Variants in ZBTB17 observed in about 807,000 individuals in gnomAD.
The protein encoded by ZBTB17 is zinc finger and BTB domain containing 17.
Under a neutral mutation model 85.1 loss-of-function variants are expected in ZBTB17, and 24 were observed. The ratio of observed to expected loss-of-function variants is 0.28; its 90% CI spans 0.20 to 0.40. The LOEUF (loss-of-function observed/expected upper bound fraction) is 0.40, where lower values mean the gene tolerates loss of function less well. Among genes scored for constraint, ZBTB17 ranks in the 10% least tolerant of loss-of-function variants. The pLI, the probability that ZBTB17 is intolerant of heterozygous loss-of-function variation, is 1.00. For synonymous variants in ZBTB17, 464 were observed against 460.2 expected, an observed-to-expected ratio of 1.01 and a Z score of -0.11; for missense variants, 743 against 1,105.1, an observed-to-expected ratio of 0.67 and a Z score of 4.65.
chr1:15,969,205 G>A (rs896877609), intron 2 of ZBTB17, among the ~76,000 whole-genome samples: 3 of 152,182 alleles, frequency 2.0e-5, no homozygotes, highest in Non-Finnish European at 1.5e-5. Flanking sequence ...CTGATGATCT[G>A]TCACTGTCTT....
chr1:15,967,180 A>G (rs971244607), intron 2 of ZBTB17, among the ~76,000 whole-genome samples: 8 of 152,044 alleles, frequency 5.3e-5, no homozygotes, highest in African/African-American at 1.9e-4. Context: ...GTTCAAGACC[A>G]GCCTGGGCAA....
intron 2 of ZBTB17, chr1:15,969,618 A>G (rs984380483): frequency 7.1e-6 from 3 of 424,704 alleles, no homozygotes; most frequent in Admixed American, 5.1e-5. Context: ...TGGGGGGAGC[A>G]GGGCAGGGAG....
chr1:15,955,579 T>A (rs951626018), intron 2 of ZBTB17, among the ~76,000 whole-genome samples: 2 of 152,370 alleles, frequency 1.3e-5, no homozygotes, highest in Middle Eastern at 3.4e-3. Flanking sequence ...CAGATTTTTT[T>A]AAATCTTAAA....
At chr1:15,971,483 T>TAC (rs1412491150) in intron 2 of ZBTB17, among the ~76,000 whole-genome samples, 8,443 of 78,240 alleles carry the variant, frequency 0.11, 772 homozygotes, top group Non-Finnish European at 0.13. Context: ...ACTATATATA[T>TAC]ACACACACTA....
At chr1:15,970,359 G>A (rs1332807122) in intron 2 of ZBTB17, among the ~76,000 whole-genome samples, 1 of 90,152 alleles carries the variant, frequency 1.1e-5, no homozygotes, top group Non-Finnish European at 2.2e-5. Flanking sequence ...ATGCACTTTG[G>A]ACTTAAAGAA....
intron 2 of ZBTB17, among the ~76,000 whole-genome samples, chr1:15,968,249 G>C (rs2072515530): frequency 6.6e-6 from 1 of 152,120 alleles, no homozygotes; most frequent in Non-Finnish European, 1.5e-5. Flanking sequence ...TAAACAAGAA[G>C]CATGCTCAGC....
intron 5 of ZBTB17, 85 bp from the exon 6 acceptor site, chr1:15,945,925 G>A: frequency 6.4e-7 from 1 of 1,563,418 alleles, no homozygotes; most frequent in Non-Finnish European, 8.6e-7. Flanking sequence ...GCTGGTGGTG[G>A]CTGCGTGTGA....
At chr1:15,970,643 G>C (rs777511163) in intron 2 of ZBTB17, among the ~76,000 whole-genome samples, 13 of 152,114 alleles carry the variant, frequency 8.5e-5, no homozygotes, top group Non-Finnish European at 1.3e-4. Context: ...CCGCTTCCCA[G>C]GTTCAAGTGA....
Position 15,952,708 on chromosome 1 carries a change from G to A in ZBTB17, c.-2-4211C>T, listed in dbSNP as rs1443287622. Among the ~76,000 whole-genome samples, 1 of 152,238 alleles carries A rather than the reference G, an allele frequency of 6.6e-6. No individual in the cohort carries two copies. Among genetic ancestry groups the A allele is most frequent in the Non-Finnish European group, 1.5e-5 (1 of 68,044 alleles). On this transcript the variant is annotated intron_variant, in intron 2 of 15. Transcript: ENST00000375743. This position sits in a 1 kb window ranked among gnomAD's most constrained non-coding sequence, Gnocchi z 4.3. ...AAAGTCCAAGCTCCCGTGTGAGTGG[G>A]AGACACATGGAGGGGCTCTGGGGAG...
intron 3 of ZBTB17, among the ~76,000 whole-genome samples, chr1:15,947,531 G>C (rs1261131051): frequency 6.6e-6 from 1 of 151,876 alleles, no homozygotes; most frequent in Non-Finnish European, 1.5e-5. Flanking sequence ...GAGGACGGGG[G>C]TATAAATGCC....
rs201524531 is a variant in ZBTB17 at position 15,942,545 on chromosome 1, G to A, written c.2022C>T (p.Ala674=). 1.2e-5 allele frequency: 20 copies of A among 1,610,970 alleles called. 1 individual carries two copies. Among genetic ancestry groups the A allele is most frequent in the Non-Finnish European group, 1.4e-5 (16 of 1,179,982 alleles). ...AGCCCGCACCTGTGAGCTGAGTGAC[G>A]GCTGTCGCTGCCAGTGCCTCGGTAG... is the stretch of plus-strand genomic sequence containing the variant. ...TLATEALAAT[A]VTQLTVVPVG... The change falls in exon 14 of 16, where the codon GCC becomes GCT. Residue 674 remains alanine (A), a synonymous_variant. Coordinates refer to ENST00000375743, the MANE Select transcript of ZBTB17 (RefSeq NM_003443.3).
In ZBTB17 at chr1:15,951,437, G is replaced by T. The variant is rs758904789; in HGVS notation, c.-2-2940C>A. Reference sequence around the variant, plus strand: ...AGGGGTGCAAGAGCAGCTCGAGGGGGCCAGGAGGGGGCGGACTAAGTGCTA... The same window carrying T: ...AGGGGTGCAAGAGCAGCTCGAGGGGTCCAGGAGGGGGCGGACTAAGTGCTA... On this transcript the variant is annotated intron_variant, in intron 2 of 15. Transcript: ENST00000375743. The surrounding 1 kb of genome is among the most constrained non-coding windows in gnomAD (Gnocchi z 4.1). Among the ~76,000 whole-genome samples the T allele has an allele frequency of 6.6e-6, 1 of 152,178 alleles. No individual in the cohort carries two copies. The highest frequency in any genetic ancestry group is 1.5e-5 in the Non-Finnish European group (1 of 68,034).
At chr1:15,958,816 G>A (rs1210724197) in intron 2 of ZBTB17, among the ~76,000 whole-genome samples, 18 of 152,214 alleles carry the variant, frequency 1.2e-4, no homozygotes, top group Admixed American at 1.2e-3. Context: ...GAGGGGCCAG[G>A]TGGAGAAGGG....
chr1:15,969,785 AG>A (rs1161594427), intron 2 of ZBTB17: 1 of 522,214 alleles, frequency 1.9e-6, no homozygotes, highest in African/African-American at 1.9e-5. Flanking sequence ...CGTGGACGAG[AG>A]GGGATGTGCA....
chr1:15,957,638 G>A (rs997514550), intron 2 of ZBTB17, among the ~76,000 whole-genome samples: 4 of 152,248 alleles, frequency 2.6e-5, no homozygotes, highest in African/African-American at 4.8e-5. Context: ...AAGACAGACC[G>A]CAAGGAGGCT....
chr1:15,956,827 G>C (rs905466930), intron 2 of ZBTB17, among the ~76,000 whole-genome samples: 10 of 152,212 alleles, frequency 6.6e-5, no homozygotes, highest in African/African-American at 2.4e-4. Context: ...CAGCTACCAA[G>C]TGCTGTGGAG....
At position 15,948,434 on chromosome 1, in the gene ZBTB17, C is replaced by T. The variant is rs748306512; in HGVS notation, c.62G>A (p.Gly21Glu). Residue 21 changes from glycine to glutamate, a missense_variant, in exon 3 of 16, where the codon GGG (glycine) becomes GAG (glutamate). Transcript: ENST00000375743. ...LEQLNQQRQL[G>E]LLCDCTFVVD... ...CACAAAGGTGCAGTCACAGAGAAGCCCCAGCTGCCGCTGCTGGTTCAGCTG... is the reference window on the plus strand; with the variant it reads ...CACAAAGGTGCAGTCACAGAGAAGCTCCAGCTGCCGCTGCTGGTTCAGCTG... 1.3e-5 allele frequency: 21 copies of T among 1,613,914 alleles called. No individual in the cohort carries two copies. In the South Asian group the frequency reaches 2.3e-4, roughly 18 times the overall value.
rs867845078 is a variant in ZBTB17, at chr1:15,943,650, G to C, written c.1525C>G (p.Arg509Gly). Residue 509 changes from arginine to glycine, a missense_variant, in exon 11 of 16, where the codon CGA becomes GGA. This residue lies in a region of ZBTB17 where 321 missense variants were observed against 615.7 expected (regional missense o/e 0.52). Coordinates refer to ENST00000375743, the MANE Select transcript of ZBTB17 (RefSeq NM_003443.3). The part of the protein sequence containing the change: ...EKPYVCIHCQ[R>G]QFADPGALQR... ...AGAGCGCCGGGGTCTGCAAACTGTC[G>C]CTGGCAGTGGATGCACACGTAGGGC... is the stretch of plus-strand genomic sequence containing the variant. 1 of 1,613,044 alleles carries C rather than the reference G, an allele frequency of 6.2e-7. No homozygotes were observed. Among genetic ancestry groups the C allele is most frequent in the Non-Finnish European group, 8.5e-7 (1 of 1,179,906 alleles).
intron 2 of ZBTB17, among the ~76,000 whole-genome samples, chr1:15,969,271 C>A: frequency 6.6e-6 from 1 of 152,204 alleles, no homozygotes; most frequent in Non-Finnish European, 1.5e-5. Context: ...AGGACTCCCA[C>A]TGACTCTACA....
Sources: allele counts gnomAD v4.1 joint callset (sites outside exome capture counted in the v4.1 genomes callset), GRCh38; gene constraint gnomAD v4.1.1; regional missense constraint gnomAD v4.1.1; non-coding constraint Gnocchi (gnomAD v3.1); transcripts MANE v1.5; gene names NCBI Gene and HGNC (gene_info 2026-07-23, HGNC 2026-07-21).